VIPR2: variants seen among roughly 807,000 people sequenced by gnomAD.
The protein encoded by VIPR2 is vasoactive intestinal polypeptide receptor 2.
In VIPR2, 48 loss-of-function variants were observed where a neutral mutation model predicts 58.0. The ratio of observed to expected loss-of-function variants is 0.83; its 90% confidence interval spans 0.66 to 1.05. The LOEUF (loss-of-function observed/expected upper bound fraction) is 1.05, where lower values mean the gene tolerates loss of function less well. Among genes scored for constraint, VIPR2 ranks in the 50% least tolerant of loss-of-function variants. The pLI is 0.00. For synonymous variants in VIPR2, 243 were observed against 235.2 expected (o/e 1.03, Z -0.30); for missense variants, 534 against 558.0 (o/e 0.96, Z 0.43).
intron 3 of VIPR2, among the ~76,000 whole-genome samples, chr7:159,104,686 C>A (rs1585507377): frequency 4.0e-5 from 6 of 151,216 alleles, no homozygotes; most frequent in Admixed American, 3.3e-4. Context: ...CCTGACAGCA[C>A]CCTCCCTCCT....
intron 5 of VIPR2, among the ~76,000 whole-genome samples, chr7:159,052,303 A>G (rs899995929): frequency 5.9e-5 from 9 of 152,226 alleles, no homozygotes; most frequent in African/African-American, 1.9e-4. Context: ...CATTGAAAAT[A>G]TTGATGAAAT....
intron 4 of VIPR2, among the ~76,000 whole-genome samples, chr7:159,072,466 C>T (rs1439505386): frequency 6.6e-6 from 1 of 152,050 alleles, no homozygotes; most frequent in Middle Eastern, 3.2e-3. Flanking sequence ...ATAATTAGAG[C>T]CTTAAATACC....
intron 6 of VIPR2, 140 bp from the exon 7 acceptor site, chr7:159,037,042 G>C (rs931052491): frequency 4.3e-4 from 457 of 1,074,730 alleles, no homozygotes; most frequent in Non-Finnish European, 5.5e-4. Context: ...GAAGGAAAGT[G>C]ATTAACACAG....
intron 2 of VIPR2, among the ~76,000 whole-genome samples, chr7:159,130,340 C>T (rs1395467732): frequency 1.3e-5 from 2 of 152,210 alleles, no homozygotes; most frequent in Non-Finnish European, 2.9e-5. Context: ...TGCTAAGGCA[C>T]AGATATAAAT....
chr7:159,132,862 T>TGATTGGCATACCGATTGATTTG (rs1563355309), intron 2 of VIPR2, among the ~76,000 whole-genome samples: 3 of 48,206 alleles, frequency 6.2e-5, no homozygotes, highest in Non-Finnish European at 1.3e-4. Context: ...CGATTGATTT[T>TGATTGGCATACCGATTGATTTG]AGACAGAATG....
intron 10 of VIPR2, among the ~76,000 whole-genome samples, chr7:159,033,463 C>G (rs186999800): frequency 6.6e-6 from 1 of 152,126 alleles, no homozygotes; most frequent in African/African-American, 2.4e-5. Flanking sequence ...TTAGTTTATA[C>G]TTGAATTTTG....
rs976855008 is a variant in VIPR2, at chr7:159,141,340, G to A, written c.151+1106C>T. On this transcript the variant is annotated intron_variant, in intron 2 of 12. Transcript: ENST00000262178. ...CGCGGAATCGCAGATCTTTACAGCC[G>A]GAAGAAGCCTCGGAGGCAGAGCCTG... is the stretch of plus-strand genomic sequence containing the variant. 7.9e-5 allele frequency among the ~76,000 whole-genome samples: 12 copies of A among 152,370 alleles called. No individual in the cohort carries two copies. In the South Asian group the frequency reaches 1.2e-3, roughly 16 times the overall value.
intron 2 of VIPR2, among the ~76,000 whole-genome samples, chr7:159,116,307 A>G (rs1407498063): frequency 1.3e-5 from 2 of 152,204 alleles, no homozygotes; most frequent in African/African-American, 2.4e-5. Context: ...GCCACACATA[A>G]CCAGGAGCAA....
chr7:159,061,706 C>A (rs938402540), intron 4 of VIPR2, among the ~76,000 whole-genome samples: 1 of 152,180 alleles, frequency 6.6e-6, no homozygotes, highest in African/African-American at 2.4e-5. Context: ...ATACTTCCAC[C>A]CTTACTCATT....
chr7:159,123,225 A>G (rs1326493011), intron 2 of VIPR2, among the ~76,000 whole-genome samples: 3 of 138,984 alleles, frequency 2.2e-5, no homozygotes, highest in Non-Finnish European at 4.6e-5. Flanking sequence ...CCCAGGAGGC[A>G]GAGGTTGCAG....
chr7:159,120,191 C>T (rs1796404460), intron 2 of VIPR2, among the ~76,000 whole-genome samples: 1 of 152,220 alleles, frequency 6.6e-6, no homozygotes, highest in African/African-American at 2.4e-5. Context: ...TACTAAACAT[C>T]TCTGAATGGG....
rs191232500 is a variant in VIPR2 at position 159,083,116 on chromosome 7, C to T, written c.357+20641G>A. ...CAACTATCCCTGCCTGTCCCTGGTC[C>T]CACCTGTCCTACCTGCCCCTGTCCT... is the stretch of plus-strand genomic sequence containing the variant. On this transcript the variant is annotated intron_variant, in intron 4 of 12. Coordinates refer to ENST00000262178, the MANE Select transcript of VIPR2 (RefSeq NM_003382.5). 3.9e-5 allele frequency among the ~76,000 whole-genome samples: 6 copies of T among 152,298 alleles called. No individual in the cohort carries two copies. In the South Asian group the frequency reaches 1.0e-3, roughly 26 times the overall value.
chr7:159,049,943 A>G (rs1040938599), intron 5 of VIPR2, among the ~76,000 whole-genome samples: 4 of 152,240 alleles, frequency 2.6e-5, no homozygotes, highest in African/African-American at 9.6e-5. Context: ...CTGCAGCAAG[A>G]TAATCATCTG....
chr7:159,036,705 CGATGG>C (rs753627946), intron 7 of VIPR2, 42 bp downstream of exon 7: 4 of 1,575,326 alleles, frequency 2.5e-6, no homozygotes, highest in South Asian at 1.2e-5. Context: ...TTGTTTGGTC[CGATGG>C]GATGGGATGG....
At chr7:159,137,340 T>A (rs1323400081) in intron 2 of VIPR2, among the ~76,000 whole-genome samples, 1 of 152,156 alleles carries the variant, frequency 6.6e-6, no homozygotes, top group East Asian at 1.9e-4. Context: ...TCAGTGAGAT[T>A]TGTTTCCTAT....
intron 10 of VIPR2, among the ~76,000 whole-genome samples, chr7:159,032,781 T>C (rs2730221): frequency 0.92 from 139,592 of 152,060 alleles, 64,120 homozygotes; most frequent in East Asian, 1. Context: ...ATCTCCAAGT[T>C]CAATTTAACA....
intron 4 of VIPR2, among the ~76,000 whole-genome samples, chr7:159,088,020 T>C (rs1044977951): frequency 1.3e-4 from 20 of 152,244 alleles, no homozygotes; most frequent in Non-Finnish European, 2.2e-4. Flanking sequence ...CAGGAAGTCC[T>C]GTGGCTGGCT....
At position 159,097,360 on chromosome 7, in the gene VIPR2, G is replaced by A. The variant is rs1002123942; in HGVS notation, c.357+6397C>T. ...GTTCTCTTGGCTAAATTTAGCAGACGTGCTCTTTATGTAAGAACGGAGTTA... is the reference window on the plus strand; with the variant it reads ...GTTCTCTTGGCTAAATTTAGCAGACATGCTCTTTATGTAAGAACGGAGTTA... On this transcript the variant is annotated intron_variant, in intron 4 of 12. Coordinates refer to ENST00000262178, the MANE Select transcript of VIPR2 (RefSeq NM_003382.5). This position sits in a 1 kb window ranked among gnomAD's most constrained non-coding sequence, Gnocchi z 5.3. Among the ~76,000 whole-genome samples, 3 of 152,180 alleles carry A rather than the reference G, an allele frequency of 2.0e-5. No individual in the cohort carries two copies. Among genetic ancestry groups the A allele is most frequent in the Non-Finnish European group, 2.9e-5 (2 of 68,032 alleles).
chr7:159,078,056 A>G (rs567676523), intron 4 of VIPR2, among the ~76,000 whole-genome samples: 10 of 152,354 alleles, frequency 6.6e-5, no homozygotes, highest in African/African-American at 2.4e-4. Context: ...CAGTTCATGC[A>G]TGGACAACAT....
Sources: allele counts gnomAD v4.1 joint callset (sites outside exome capture counted in the v4.1 genomes callset), GRCh38; gene constraint gnomAD v4.1.1; non-coding constraint Gnocchi (gnomAD v3.1); transcripts MANE v1.5; gene names NCBI Gene and HGNC (gene_info 2026-07-23, HGNC 2026-07-21).